ANKS1B: variants seen among roughly 807,000 people sequenced by gnomAD.
ANKS1B encodes the protein ankyrin repeat and sterile alpha motif domain containing 1B, also known as ankyrin repeat and sterile alpha motif domain-containing protein 1B.
A neutral mutation model predicts 148.3 loss-of-function variants in ANKS1B; 36 were observed. That is an observed-to-expected ratio of 0.24 (90% CI 0.19 to 0.32). ANKS1B has a LOEUF of 0.32. ANKS1B is among the 10% of genes least tolerant of loss of function. The pLI, the probability that ANKS1B is intolerant of heterozygous loss-of-function variation, is 1.00. For synonymous variants in ANKS1B, 542 were observed against 560.8 expected, an observed-to-expected ratio of 0.97 and a Z score of 0.47; for missense variants, 1,157 against 1,542.6, an observed-to-expected ratio of 0.75 and a Z score of 4.19.
intron 22 of ANKS1B, among the ~76,000 whole-genome samples, chr12:98,797,328 G>T (rs1307562717): frequency 2.0e-5 from 3 of 151,128 alleles, no homozygotes; most frequent in African/African-American, 7.2e-5. Context: ...CCGAATTCCA[G>T]TCTCAGATTG....
chr12:99,736,415 A>G (rs1355822093), intron 8 of ANKS1B, among the ~76,000 whole-genome samples: 1 of 152,094 alleles, frequency 6.6e-6, no homozygotes, highest in Non-Finnish European at 1.5e-5. Context: ...AGGACGCAAA[A>G]TCAGCACACA....
At chr12:99,298,297 T>C (rs1269392426) in intron 12 of ANKS1B, among the ~76,000 whole-genome samples, 1 of 152,200 alleles carries the variant, frequency 6.6e-6, no homozygotes, top group Non-Finnish European at 1.5e-5. Context: ...GGCAGGGCCA[T>C]GTGTAGATAA....
chr12:99,827,207 T>C lies in ANKS1B; in HGVS notation c.135-1818A>G, dbSNP rs556110918. ...GGGGATATATATACATACAATAAAA[T>C]ATTATTCAGCCCTAAAAAAGAATTA... On this transcript the variant is annotated intron_variant, in intron 1 of 26. Transcript: ENST00000683438. 8.5e-5 allele frequency among the ~76,000 whole-genome samples: 13 copies of C among 152,056 alleles called. No homozygotes were observed. The East Asian group carries it at 1.9e-3, about 23-fold the overall frequency.
chr12:99,044,183 A>G (rs1172467409), intron 17 of ANKS1B, among the ~76,000 whole-genome samples: 1 of 152,212 alleles, frequency 6.6e-6, no homozygotes, highest in African/African-American at 2.4e-5. Flanking sequence ...GCAGTTTACC[A>G]TACTTTAACA....
chr12:99,774,536 T>G (rs1450140125), intron 7 of ANKS1B, among the ~76,000 whole-genome samples: 2 of 152,072 alleles, frequency 1.3e-5, no homozygotes, highest in Non-Finnish European at 2.9e-5. Flanking sequence ...TCCATGGGAA[T>G]GTAAAATGTT....
intron 17 of ANKS1B, among the ~76,000 whole-genome samples, chr12:98,984,874 G>T (rs1294110441): frequency 6.6e-6 from 1 of 152,100 alleles, no homozygotes. Flanking sequence ...AGCTGGGCAT[G>T]GTGGTGTGTG....
At chr12:98,978,912 G>A (rs1056073756) in intron 17 of ANKS1B, among the ~76,000 whole-genome samples, 24 of 152,238 alleles carry the variant, frequency 1.6e-4, no homozygotes, top group Non-Finnish European at 2.9e-4. Context: ...GGGAGGCCGA[G>A]ACAGGCAGAT....
At chr12:99,811,302 G>A (rs1309583391) in intron 3 of ANKS1B, among the ~76,000 whole-genome samples, 1 of 151,832 alleles carries the variant, frequency 6.6e-6, no homozygotes, top group Admixed American at 6.6e-5. Flanking sequence ...TTGCCCTAAA[G>A]TAACCTACTT....
At chr12:99,124,713 A>G (rs954409485) in intron 15 of ANKS1B, among the ~76,000 whole-genome samples, 5 of 152,098 alleles carry the variant, frequency 3.3e-5, no homozygotes, top group African/African-American at 1.2e-4. Context: ...ACAATGTTAG[A>G]CTTGGGAAAG....
intron 9 of ANKS1B, among the ~76,000 whole-genome samples, chr12:99,567,712 A>G (rs1387949226): frequency 6.6e-6 from 1 of 152,188 alleles, no homozygotes; most frequent in East Asian, 1.9e-4. Context: ...CAGGACCAAG[A>G]TATGCTAAAG....
chr12:99,632,823 A>G (rs999039145), intron 9 of ANKS1B, among the ~76,000 whole-genome samples: 1 of 140,520 alleles, frequency 7.1e-6, no homozygotes, highest in Non-Finnish European at 1.5e-5. Flanking sequence ...GGTTTGTTAC[A>G]TATGTATACA....
chr12:99,938,755 C>G (rs1215170356), intron 1 of ANKS1B, among the ~76,000 whole-genome samples: 1 of 152,070 alleles, frequency 6.6e-6, no homozygotes, highest in Non-Finnish European at 1.5e-5. Context: ...ATTAACAGAT[C>G]AAAAACTAAA....
At chr12:99,397,279 T>G (rs1042283504) in intron 12 of ANKS1B, among the ~76,000 whole-genome samples, 7 of 152,148 alleles carry the variant, frequency 4.6e-5, no homozygotes, top group African/African-American at 1.7e-4. Context: ...GTTAATCTAA[T>G]TAATTCATTG....
intron 12 of ANKS1B, among the ~76,000 whole-genome samples, chr12:99,383,334 T>C (rs1291973804): frequency 1.3e-5 from 2 of 152,208 alleles, no homozygotes; most frequent in Non-Finnish European, 2.9e-5. Context: ...TAGGCTTATT[T>C]ATGTGGCGAT....
rs1291548063 is a variant in ANKS1B, at chr12:99,984,415, G to C, written c.-178C>G. The C allele has an allele frequency of 7.3e-6, 4 of 550,494 alleles. No homozygotes were observed. In the East Asian group the frequency reaches 1.2e-4, roughly 16 times the overall value. 34.1% of individuals were successfully genotyped at this position (550,494 alleles called of 1,614,324 possible). ...AGCACGACTCTCTCCTCCTCTTCGG[G>C]GCGCAGCTTTTACAATGGGGATCAG... On this transcript the variant is annotated 5_prime_UTR_variant, in exon 1 of 27. Coordinates refer to ENST00000683438, the MANE Select transcript of ANKS1B (RefSeq NM_001352186.2).
chr12:99,840,117 G>T (rs2085474411), intron 1 of ANKS1B, among the ~76,000 whole-genome samples: 2 of 152,070 alleles, frequency 1.3e-5, no homozygotes, highest in Admixed American at 6.6e-5. Flanking sequence ...ATATACAAAT[G>T]AATATATAAA....
intron 8 of ANKS1B, among the ~76,000 whole-genome samples, chr12:99,749,887 C>A (rs1285408319): frequency 6.6e-6 from 1 of 151,686 alleles, no homozygotes; most frequent in Admixed American, 6.6e-5. Context: ...AATTCTAAAG[C>A]AAATCAAATG....
intron 25 of ANKS1B, among the ~76,000 whole-genome samples, chr12:98,760,559 C>T (rs1395920607): frequency 6.6e-6 from 1 of 152,148 alleles, no homozygotes; most frequent in Non-Finnish European, 1.5e-5. Context: ...AACTACTTTC[C>T]AGCAAAATCT....
At chr12:99,050,696 T>C (rs950119338) in intron 17 of ANKS1B, among the ~76,000 whole-genome samples, 9 of 144,242 alleles carry the variant, frequency 6.2e-5, no homozygotes, top group African/African-American at 1.8e-4. Flanking sequence ...TTTTCTTTTT[T>C]TTTTTTTTTT....
Sources: allele counts gnomAD v4.1 joint callset (sites outside exome capture counted in the v4.1 genomes callset), GRCh38; gene constraint gnomAD v4.1.1; transcripts MANE v1.5; gene names NCBI Gene and HGNC (gene_info 2026-07-23, HGNC 2026-07-21).